CRLF3: variants seen among roughly 807,000 people sequenced by gnomAD.
The protein encoded by CRLF3 is cytokine receptor-like factor 3.
CRLF3 carries 33 observed loss-of-function variants against 55.0 expected under a neutral mutation model. The ratio of observed to expected loss-of-function variants is 0.60; its 90% CI spans 0.46 to 0.80. The LOEUF is 0.80. Ranked by LOEUF, CRLF3 falls within the 30% of genes least tolerant of loss-of-function variation. The pLI is 0.00. For missense variants in CRLF3, 494 were observed against 538.4 expected, an observed-to-expected ratio of 0.92 and a Z score of 0.82; for synonymous variants, 238 against 196.8, an observed-to-expected ratio of 1.21 and a Z score of -1.75.
At chr17:30,801,845 C>CTT (rs1182070012) in intron 2 of CRLF3, among the ~76,000 whole-genome samples, 1 of 151,934 alleles carries the variant, frequency 6.6e-6, no homozygotes. Context: ...CACTCTGCTG[C>CTT]TTAAAATGCT....
At chr17:30,809,119 C>T (rs889528010) in intron 1 of CRLF3, among the ~76,000 whole-genome samples, 1 of 152,168 alleles carries the variant, frequency 6.6e-6, no homozygotes, top group African/African-American at 2.4e-5. Flanking sequence ...AGAAAGAATT[C>T]AAAAGCTCCT....
At chr17:30,817,153 G>A (rs1239712580) in intron 1 of CRLF3, among the ~76,000 whole-genome samples, 2 of 152,116 alleles carry the variant, frequency 1.3e-5, no homozygotes, top group Admixed American at 6.6e-5. Context: ...AAATGAGGCT[G>A]TGGGACAGGC....
rs78574407 is a variant in CRLF3 at position 30,823,016 on chromosome 17, G to A, written c.129+1507C>T. On this transcript the variant is annotated intron_variant, in intron 1 of 7. Coordinates refer to ENST00000324238, the MANE Select transcript of CRLF3 (RefSeq NM_015986.4). Reference sequence around the variant, plus strand: ...ATATCTAGATTCTGCTTCCGGTTTCGCCACTAAAATGCAAATGATGTCTGG... The same window carrying A: ...ATATCTAGATTCTGCTTCCGGTTTCACCACTAAAATGCAAATGATGTCTGG... Among the ~76,000 whole-genome samples the A allele has an allele frequency of 2.9e-3, 444 of 152,066 alleles. 3 individuals carry two copies. Among genetic ancestry groups the A allele is most frequent in the South Asian group, 5.2e-3 (25 of 4,820 alleles).
intron 2 of CRLF3, among the ~76,000 whole-genome samples, chr17:30,799,572 C>T (rs970318261): frequency 3.3e-5 from 5 of 151,630 alleles, no homozygotes; most frequent in Non-Finnish European, 7.4e-5. Context: ...TCTTGTCGCC[C>T]AGACTGGAGT....
chr17:30,811,803 C>CA (rs915710879), intron 1 of CRLF3, among the ~76,000 whole-genome samples: 1,772 of 26,688 alleles, frequency 0.066, 68 homozygotes, highest in African/African-American at 0.075. Context: ...GACTCTGTCT[C>CA]AAAAAAAAAA....
chr17:30,809,195 C>A (rs1445946486), intron 1 of CRLF3, among the ~76,000 whole-genome samples: 2 of 152,144 alleles, frequency 1.3e-5, no homozygotes, highest in African/African-American at 2.4e-5. Context: ...AGTAAGTGAA[C>A]ACAAAACAGA....
chr17:30,795,508 A>G (rs952548710), intron 4 of CRLF3, among the ~76,000 whole-genome samples: 6 of 144,140 alleles, frequency 4.2e-5, no homozygotes, highest in South Asian at 2.2e-4. Flanking sequence ...AAAAAAAAAA[A>G]AAAGAAAATG....
rs571457423 is a variant in CRLF3 at position 30,798,301 on chromosome 17, C to T, written c.338-903G>A. On this transcript the variant is annotated intron_variant, in intron 2 of 7. Coordinates refer to ENST00000324238, the MANE Select transcript of CRLF3 (RefSeq NM_015986.4). ...GCTGAGGCAGGAGAATCACTTGAAT[C>T]CGGGACATGGAGGTTGCAGTGAGCC... Among the ~76,000 whole-genome samples the T allele has an allele frequency of 2.0e-5, 3 of 152,008 alleles. No homozygotes were observed. The South Asian group carries it at 6.2e-4, about 32-fold the overall frequency.
chr17:30,788,941 A>T (rs1205600927), intron 6 of CRLF3, among the ~76,000 whole-genome samples: 5 of 151,894 alleles, frequency 3.3e-5, no homozygotes, highest in African/African-American at 9.7e-5. Flanking sequence ...CTCCCTTCTA[A>T]CTACTAGGCC....
chr17:30,797,516 ACAGT>A (rs1424236218), intron 2 of CRLF3, 118 bp from the exon 3 acceptor site: 6 of 759,846 alleles, frequency 7.9e-6, no homozygotes, highest in Non-Finnish European at 1.3e-5. Flanking sequence ...AAGTGATGCC[ACAGT>A]CAAATTCCCA....
chr17:30,819,860 G>C (rs1192502848), intron 1 of CRLF3, among the ~76,000 whole-genome samples: 1 of 152,182 alleles, frequency 6.6e-6, no homozygotes. Flanking sequence ...CCAAAGGAAA[G>C]AGGAAAGCAT....
intron 2 of CRLF3, among the ~76,000 whole-genome samples, chr17:30,799,430 C>T (rs983946697): frequency 6.6e-6 from 1 of 152,118 alleles, no homozygotes; most frequent in African/African-American, 2.4e-5. Flanking sequence ...ATAATCACAG[C>T]TCACTGCAAC....
chr17:30,791,357 C>T (rs1182256149), intron 6 of CRLF3, among the ~76,000 whole-genome samples: 1 of 152,088 alleles, frequency 6.6e-6, no homozygotes, highest in Admixed American at 6.6e-5. Flanking sequence ...AGGCGGGAGC[C>T]ATTGCGCCTG....
chr17:30,821,798 G>A (rs1905005508), intron 1 of CRLF3, among the ~76,000 whole-genome samples: 1 of 152,000 alleles, frequency 6.6e-6, no homozygotes, highest in Non-Finnish European at 1.5e-5. Context: ...AGTTCTTTTG[G>A]GGGTGATGAA....
chr17:30,792,637 C>T (rs1167818006), intron 5 of CRLF3, 65 bp from the exon 6 acceptor site: 11 of 1,434,880 alleles, frequency 7.7e-6, no homozygotes, highest in South Asian at 2.7e-5. Context: ...AATACAGACA[C>T]GTTAAATAAA....
intron 2 of CRLF3, among the ~76,000 whole-genome samples, chr17:30,798,118 G>A (rs1971952308): frequency 6.6e-6 from 1 of 152,064 alleles, no homozygotes; most frequent in African/African-American, 2.4e-5. Flanking sequence ...GGTAGCTCAC[G>A]CCTGTAATCC....
At chr17:30,809,661 T>G (rs1030922225) in intron 1 of CRLF3, 3 of 151,496 alleles carry the variant, frequency 2.0e-5, no homozygotes, top group Non-Finnish European at 4.4e-5. Flanking sequence ...ACAGGACACT[T>G]TTTTTTTGAG....
chr17:30,787,273 A>G (rs1332068755), intron 6 of CRLF3, among the ~76,000 whole-genome samples: 1 of 152,236 alleles, frequency 6.6e-6, no homozygotes, highest in Non-Finnish European at 1.5e-5. Flanking sequence ...AATCTTCCAT[A>G]TAAGAATTTG....
Position 30,792,672 on chromosome 17 carries a change from AGGGGCCAT to A in CRLF3, c.827-108_827-101del, listed in dbSNP as rs1332697700. ...AACATGGAAATGGGAGACTACTCTT[AGGGGCCAT>A]GGTCAAGTTCAATAAAATAAAAGAT... On this transcript the variant is annotated intron_variant, in intron 5 of 7. Coordinates refer to ENST00000324238, the MANE Select transcript of CRLF3 (RefSeq NM_015986.4). 4.7e-6 allele frequency: 5 copies of A among 1,053,726 alleles called. No individual in the cohort carries two copies. The Admixed American group carries it at 9.9e-5, about 21-fold the overall frequency. 65.3% of individuals were successfully genotyped at this position (1,053,726 alleles called of 1,614,324 possible).
Sources: allele counts gnomAD v4.1 joint callset (sites outside exome capture counted in the v4.1 genomes callset), GRCh38; gene constraint gnomAD v4.1.1; transcripts MANE v1.5; gene names NCBI Gene and HGNC (gene_info 2026-07-23, HGNC 2026-07-21).